UBE4B: variants seen among roughly 807,000 people sequenced by gnomAD.
UBE4B encodes the protein ubiquitin conjugation factor E4 B.
A neutral mutation model predicts 148.1 loss-of-function variants in UBE4B; 27 were observed. The observed-to-expected ratio is 0.18, with a 90% CI of 0.13 to 0.25. The LOEUF (loss-of-function observed/expected upper bound fraction) is 0.25, where lower values mean the gene tolerates loss of function less well. Among genes scored for constraint, UBE4B ranks in the 10% least tolerant of loss-of-function variants. The probability of loss-of-function intolerance (pLI) is 1.00; values close to 1 mark genes in which losing one functional copy is unlikely to be tolerated. For synonymous variants in UBE4B, 596 were observed against 619.3 expected, an observed-to-expected ratio of 0.96 and a Z score of 0.56; for missense variants, 1,170 against 1,662.4, an observed-to-expected ratio of 0.70 and a Z score of 5.15.
chr1:10,135,302 C>G, intron 16 of UBE4B, 116 bp downstream of exon 16: 1 of 1,116,864 alleles, frequency 9.0e-7, no homozygotes, highest in East Asian at 2.6e-5. Context: ...GATAGAGAAA[C>G]ATAATAAAAA....
At chr1:10,057,304 C>T (rs1358772990) in intron 1 of UBE4B, among the ~76,000 whole-genome samples, 1 of 151,798 alleles carries the variant, frequency 6.6e-6, no homozygotes, top group African/African-American at 2.4e-5. Context: ...ATTTTTGTTA[C>T]AGTTTATAAA....
At chr1:10,035,161 G>A (rs1474018939) in intron 1 of UBE4B, among the ~76,000 whole-genome samples, 2 of 151,374 alleles carry the variant, frequency 1.3e-5, no homozygotes, top group African/African-American at 2.4e-5. Context: ...ACCACGCCCG[G>A]CTATTTTTTG....
At chr1:10,109,123 G>A (rs1265323971) in intron 7 of UBE4B, among the ~76,000 whole-genome samples, 1 of 151,970 alleles carries the variant, frequency 6.6e-6, no homozygotes, top group East Asian at 1.9e-4. Context: ...AGCATTGTGC[G>A]CCAGATGTGG....
rs754986006 is a variant in UBE4B at position 10,105,617 on chromosome 1, A to G, written c.682A>G (p.Thr228Ala). 2 of 1,614,246 alleles carry G rather than the reference A, an allele frequency of 1.2e-6. No individual in the cohort carries two copies. The highest frequency in any genetic ancestry group is 8.5e-7 in the Non-Finnish European group (1 of 1,180,044). The change falls in exon 6 of 28, where the codon ACA (threonine) becomes GCA (alanine). Residue 228 changes from threonine to alanine, a missense_variant. Physicochemically the swap from Thr to Ala is moderately conservative, Grantham distance 58. Coordinates refer to ENST00000343090, the MANE Select transcript of UBE4B (RefSeq NM_001105562.3). ...DENPFASLTA[T>A]SQPIAAAARS... ...AAACCCATTTGCCAGTCTGACAGCC[A>G]CATCACAGCCAATTGCTGCAGCAGC...
At chr1:10,113,459 A>G (rs1645255345) in intron 7 of UBE4B, among the ~76,000 whole-genome samples, 1 of 152,220 alleles carries the variant, frequency 6.6e-6, no homozygotes, top group Admixed American at 6.5e-5. Flanking sequence ...ACATTCTCTC[A>G]TAGATCCTGA....
chr1:10,078,760 G>T (rs550762355), intron 2 of UBE4B, among the ~76,000 whole-genome samples: 3 of 152,196 alleles, frequency 2.0e-5, no homozygotes, highest in Non-Finnish European at 4.4e-5. Flanking sequence ...ATCTTGACAG[G>T]ATTATTAGGT....
intron 2 of UBE4B, 88 bp downstream of exon 2, chr1:10,072,302 T>C (rs1644500360): frequency 1.4e-6 from 2 of 1,455,354 alleles, no homozygotes. Context: ...CAGAACAGAT[T>C]AAAATGAAGC....
intron 2 of UBE4B, among the ~76,000 whole-genome samples, chr1:10,075,985 C>T (rs1244455662): frequency 5.9e-5 from 9 of 152,048 alleles, no homozygotes; most frequent in Admixed American, 3.3e-4. Context: ...TGGAGGTTGC[C>T]GTGAGCTGTG....
At chr1:10,036,870 G>A (rs1439823304) in intron 1 of UBE4B, among the ~76,000 whole-genome samples, 2 of 152,070 alleles carry the variant, frequency 1.3e-5, no homozygotes, top group Non-Finnish European at 2.9e-5. Context: ...TCTAATTTAG[G>A]AAATTAGGTA....
chr1:10,160,849 A>G (rs939663437), intron 22 of UBE4B, among the ~76,000 whole-genome samples: 1 of 152,182 alleles, frequency 6.6e-6, no homozygotes, highest in African/African-American at 2.4e-5. Context: ...AGGCTGAGGC[A>G]GGAAGATTGC....
intron 20 of UBE4B, among the ~76,000 whole-genome samples, chr1:10,149,536 T>TTAAA (rs2101984256): frequency 6.6e-6 from 1 of 152,312 alleles, no homozygotes; most frequent in Non-Finnish European, 1.5e-5. Context: ...TTTCTAATAG[T>TTAAA]TAAATATGTG....
At chr1:10,110,350 A>T (rs1325854091) in intron 7 of UBE4B, among the ~76,000 whole-genome samples, 1 of 152,196 alleles carries the variant, frequency 6.6e-6, no homozygotes, top group Non-Finnish European at 1.5e-5. Context: ...GATATAAAGA[A>T]CTGCTTTTTG....
In UBE4B at chr1:10,168,075, C is replaced by T. The variant is rs549158385; in HGVS notation, c.3199-61C>T. Reference sequence around the variant, plus strand: ...ACGCACTTTCCAGTTATGTGCTTGGCGCTTTGCTGAGCTGATGACCAGGAC... The same window carrying T: ...ACGCACTTTCCAGTTATGTGCTTGGTGCTTTGCTGAGCTGATGACCAGGAC... On this transcript the variant is annotated intron_variant, in intron 23 of 27. Transcript: ENST00000343090. The surrounding 1 kb of genome is among the most constrained non-coding windows in gnomAD (Gnocchi z 4.9). The T allele has an allele frequency of 5.8e-6, 9 of 1,552,552 alleles. No homozygotes were observed. The highest frequency in any genetic ancestry group is 1.4e-5 in the African/African-American group (1 of 73,276).
At chr1:10,138,168 G>A (rs1313126368) in intron 17 of UBE4B, among the ~76,000 whole-genome samples, 1 of 150,962 alleles carries the variant, frequency 6.6e-6, no homozygotes, top group Non-Finnish European at 1.5e-5. Context: ...CATGATCTCG[G>A]CTCACTGTAA....
chr1:10,173,087 T>C (rs916946179), intron 25 of UBE4B, among the ~76,000 whole-genome samples: 3 of 152,202 alleles, frequency 2.0e-5, no homozygotes, highest in African/African-American at 7.2e-5. Context: ...AAGACATTTC[T>C]CAGAGCGACA....
intron 2 of UBE4B, among the ~76,000 whole-genome samples, chr1:10,074,744 T>A (rs892873954): frequency 1.3e-5 from 2 of 152,258 alleles, no homozygotes; most frequent in African/African-American, 4.8e-5. Context: ...TGGTTCCTTT[T>A]CATTTCCCTG....
chr1:10,142,186 G>T lies in UBE4B; in HGVS notation c.2364-2754G>T, dbSNP rs115902661. ...AGTGTTCCATCCTCAAATACTAATT[G>T]TATCTTCACCATGCAGCCCAATCAA... On this transcript the variant is annotated intron_variant, in intron 17 of 27. Transcript: ENST00000343090. 9.4e-3 allele frequency among the ~76,000 whole-genome samples: 1,426 copies of T among 152,060 alleles called. 21 individuals carry two copies. Among genetic ancestry groups the T allele is most frequent in the African/African-American group, 0.032 (1,343 of 41,460 alleles).
At chr1:10,036,566 C>T (rs924944207) in intron 1 of UBE4B, among the ~76,000 whole-genome samples, 3 of 151,838 alleles carry the variant, frequency 2.0e-5, no homozygotes, top group Non-Finnish European at 2.9e-5. Flanking sequence ...AACTCCTGAC[C>T]TCAAGCGATC....
At chr1:10,067,779 G>A (rs1274388652) in intron 1 of UBE4B, among the ~76,000 whole-genome samples, 3 of 152,132 alleles carry the variant, frequency 2.0e-5, no homozygotes, top group Non-Finnish European at 4.4e-5. Context: ...CCAGGCTGGA[G>A]TGCAATGGCG....
Sources: gnomAD v4.1 joint callset for allele counts (sites outside exome capture counted in the v4.1 genomes callset) on GRCh38, gnomAD v4.1.1 for gene constraint, Gnocchi (gnomAD v3.1) non-coding constraint, MANE v1.5 for transcripts, NCBI Gene and HGNC (gene_info 2026-07-23, HGNC 2026-07-21) for gene names.